ATP1A3: variants seen among roughly 807,000 people sequenced by gnomAD.
ATP1A3 encodes the protein sodium/potassium-transporting ATPase subunit alpha-3.
Under a neutral mutation model 108.8 loss-of-function variants are expected in ATP1A3, and 12 were observed. That is an observed-to-expected ratio of 0.11 (90% CI 0.07 to 0.18). The LOEUF (loss-of-function observed/expected upper bound fraction) is 0.18. ATP1A3 is among the 10% of genes least tolerant of loss of function. ATP1A3 has a pLI of 1.00. For missense variants in ATP1A3, 498 were observed against 1,387.7 expected (o/e 0.36, Z 10.19); for synonymous variants, 539 against 564.5 (o/e 0.95, Z 0.64).
At position 41,967,054 on chromosome 19, in the gene ATP1A3, G is replaced by C; in HGVS notation, c.3014-89C>G. 6.4e-7 allele frequency: 1 copy of C among 1,551,688 alleles called. No individual in the cohort carries two copies. The highest frequency in any genetic ancestry group is 8.7e-7 in the Non-Finnish European group (1 of 1,146,986). ...GCCGCCCAGCAGAGAGAGGGACAGA[G>C]AGGGAGAGAGACAAGGAAACCACAC... On this transcript the variant is annotated intron_variant, in intron 22 of 22. Transcript: ENST00000648268. The surrounding 1 kb of genome is among the most constrained non-coding windows in gnomAD (Gnocchi z 4.2).
Position 41,985,014 on chromosome 19 carries a change from G to A in ATP1A3, c.897C>T (p.Leu299=), listed in dbSNP as rs1485886227. 7 of 1,614,042 alleles carry A rather than the reference G, an allele frequency of 4.3e-6. No homozygotes were observed. The African/African-American group carries it at 5.3e-5, about 12-fold the overall frequency. ...AVFLGVSFFI[L]SLILGYTWLE... ...GCCAGGTGTATCCGAGAATGAGGGA[G>A]AGGATGAAGAAGGAGACACCCAGGA... Residue 299 remains leucine, a synonymous_variant, in exon 8 of 23, where the codon CTC becomes CTT. Coordinates refer to ENST00000648268, the MANE Select transcript of ATP1A3 (RefSeq NM_152296.5). The surrounding 1 kb of genome is among the most constrained non-coding windows in gnomAD (Gnocchi z 8.2).
At chr19:41,990,030 T>C (rs1411311342) in intron 1 of ATP1A3, among the ~76,000 whole-genome samples, 2 of 152,140 alleles carry the variant, frequency 1.3e-5, no homozygotes, top group Non-Finnish European at 2.9e-5. Flanking sequence ...TGGGTTCTTA[T>C]TTCCCTCTGA....
chr19:41,985,137 G>C lies in ATP1A3; in HGVS notation c.774C>G (p.Gly258=). Reference sequence around the variant, plus strand: ...GCCCTGATGCCAGGGTGGCGATACGGCCCATGACAGTGCGGTCGCCCGTGG... The same window carrying C: ...GCCCTGATGCCAGGGTGGCGATACGCCCCATGACAGTGCGGTCGCCCGTGG... ...VVATGDRTVM[G]RIATLASGLE... is the part of the protein sequence containing the mutation. The change falls in exon 8 of 23, where the codon GGC becomes GGG. Residue 258 remains glycine (G), a synonymous_variant. Coordinates refer to ENST00000648268, the MANE Select transcript of ATP1A3 (RefSeq NM_152296.5). This position sits in a 1 kb window ranked among gnomAD's most constrained non-coding sequence, Gnocchi z 8.2. 4.3e-6 allele frequency: 7 copies of C among 1,613,850 alleles called. No individual in the cohort carries two copies. The highest frequency in any genetic ancestry group is 5.1e-6 in the Non-Finnish European group (6 of 1,179,820).
chr19:41,992,455 C>G (rs1188120281), intron 1 of ATP1A3, among the ~76,000 whole-genome samples: 2 of 152,136 alleles, frequency 1.3e-5, no homozygotes, highest in Non-Finnish European at 2.9e-5. Context: ...CTGGTGCCAG[C>G]TCCCGCAGCC....
chr19:41,977,704 C>CATAA (rs1241921941), intron 14 of ATP1A3, among the ~76,000 whole-genome samples: 37 of 152,082 alleles, frequency 2.4e-4, no homozygotes, highest in African/African-American at 7.0e-4. Flanking sequence ...ATCTCAAAAA[C>CATAA]ATAAATAAAT....
intron 16 of ATP1A3, among the ~76,000 whole-genome samples, chr19:41,974,977 C>A (rs1220174928): frequency 1.3e-5 from 2 of 152,252 alleles, no homozygotes; most frequent in Non-Finnish European, 2.9e-5. Flanking sequence ...CTCTGGGAAG[C>A]TCCCTTGACC....
intron 8 of ATP1A3, among the ~76,000 whole-genome samples, chr19:41,982,762 C>T (rs1024349401): frequency 6.6e-6 from 1 of 152,138 alleles, no homozygotes; most frequent in Non-Finnish European, 1.5e-5. Flanking sequence ...CATGGGTGAA[C>T]GTCAAAAACA....
chr19:41,985,249 C>T lies in ATP1A3; in HGVS notation c.724+57G>A, dbSNP rs2075275693. On this transcript the variant is annotated intron_variant, in intron 7 of 22. Coordinates refer to ENST00000648268, the MANE Select transcript of ATP1A3 (RefSeq NM_152296.5). This position sits in a 1 kb window ranked among gnomAD's most constrained non-coding sequence, Gnocchi z 8.2. ...CAGGGAGGTTCTGGAGGCCTGACCC[C>T]CTGGGACACATCCCTGTGTCTGCCC... The T allele has an allele frequency of 4.3e-6, 7 of 1,614,044 alleles. No individual in the cohort carries two copies. The highest frequency in any genetic ancestry group is 2.2e-5 in the South Asian group (2 of 91,070).
At position 41,975,621 on chromosome 19, in the gene ATP1A3, C is replaced by T. The variant is rs1568858162; in HGVS notation, c.2263+8G>A. 6.2e-7 allele frequency: 1 copy of T among 1,613,992 alleles called. No individual in the cohort carries two copies. Among genetic ancestry groups the T allele is most frequent in the African/African-American group, 1.3e-5 (1 of 75,038 alleles). On this transcript the variant is annotated splice_region_variant and intron_variant, in intron 16 of 22. Coordinates refer to ENST00000648268, the MANE Select transcript of ATP1A3 (RefSeq NM_152296.5). The stretch of plus-strand genomic sequence containing the variant: ...CCTGGTCTCCAGGGCCACCCCTGGC[C>T]AACTCACCCTCCTCCACCCCTGTGA...
At chr19:41,990,620 C>G (rs140401815) in intron 1 of ATP1A3, among the ~76,000 whole-genome samples, 3 of 151,768 alleles carry the variant, frequency 2.0e-5, no homozygotes, top group African/African-American at 7.2e-5. Flanking sequence ...CTTTCTCCCA[C>G]TGTCTCTCTC....
chr19:41,983,269 G>T (rs1555864110), intron 8 of ATP1A3, among the ~76,000 whole-genome samples: 1 of 151,306 alleles, frequency 6.6e-6, no homozygotes, highest in Non-Finnish European at 1.5e-5. Flanking sequence ...GTAGAGATGG[G>T]GTTTTGCCAT....
At chr19:41,976,266 A>C in intron 15 of ATP1A3, 150 bp downstream of exon 15, 1 of 1,049,098 alleles carries the variant, frequency 9.5e-7, no homozygotes, top group African/African-American at 1.8e-5. Context: ...CCTCAGACCC[A>C]GGAGTCCAGG....
Position 41,967,011 on chromosome 19 carries a change from G to A in ATP1A3, c.3014-46C>T. Reference sequence around the variant, plus strand: ...AGAAAGAGACAGAGTAAGAGATGGAGAGAGACAGGCAAGGCGAGCCGCCCA... The same window carrying A: ...AGAAAGAGACAGAGTAAGAGATGGAAAGAGACAGGCAAGGCGAGCCGCCCA... On this transcript the variant is annotated intron_variant, in intron 22 of 22. Coordinates refer to ENST00000648268, the MANE Select transcript of ATP1A3 (RefSeq NM_152296.5). This position sits in a 1 kb window ranked among gnomAD's most constrained non-coding sequence, Gnocchi z 4.2. The A allele has an allele frequency of 1.3e-6, 2 of 1,551,676 alleles. No individual in the cohort carries two copies. Among genetic ancestry groups the A allele is most frequent in the Non-Finnish European group, 8.7e-7 (1 of 1,146,978 alleles).
At chr19:41,980,473 G>C (rs1451676656) in intron 11 of ATP1A3, among the ~76,000 whole-genome samples, 1 of 152,088 alleles carries the variant, frequency 6.6e-6, no homozygotes, top group Non-Finnish European at 1.5e-5. Context: ...AACTAGCTGG[G>C]TGTGGTGGTG....
In ATP1A3 at chr19:41,967,088, A is replaced by T. The variant is rs782403358; in HGVS notation, c.3014-123T>A. ...AGACAAGGAAACCACACAGACAGAG[A>T]CCCGTGAGAAGACAGAGTGGGTGCC... On this transcript the variant is annotated intron_variant, in intron 22 of 22. Coordinates refer to ENST00000648268, the MANE Select transcript of ATP1A3 (RefSeq NM_152296.5). This position sits in a 1 kb window ranked among gnomAD's most constrained non-coding sequence, Gnocchi z 4.2. 9.0e-6 allele frequency: 14 copies of T among 1,551,798 alleles called. No homozygotes were observed. The highest frequency in any genetic ancestry group is 1.1e-5 in the Non-Finnish European group (13 of 1,147,198).
At chr19:41,992,909 T>G (rs1313839070) in intron 1 of ATP1A3, 1 of 162,320 alleles carries the variant, frequency 6.2e-6, no homozygotes, top group Non-Finnish European at 1.3e-5. Context: ...ACAGCTTCCC[T>G]CCCTCCATCC....
Position 41,967,222 on chromosome 19 carries a change from C to G in ATP1A3, c.3013+27G>C, listed in dbSNP as rs550716264. 9.9e-6 allele frequency: 16 copies of G among 1,613,960 alleles called. No individual in the cohort carries two copies. In the Admixed American group the frequency reaches 1.0e-4, roughly 10 times the overall value. On this transcript the variant is annotated intron_variant, in intron 22 of 22. Coordinates refer to ENST00000648268, the MANE Select transcript of ATP1A3 (RefSeq NM_152296.5). The surrounding 1 kb of genome is among the most constrained non-coding windows in gnomAD (Gnocchi z 4.2). The stretch of plus-strand genomic sequence containing the variant: ...TGAGACCCTGCTGCCCCCCGCCCCC[C>G]TCGGCTGCCTTGCCGAGCTCCCTCA...
In ATP1A3 at chr19:41,988,412, C is replaced by T. The variant is rs782573777; in HGVS notation, c.94-35G>A. On this transcript the variant is annotated intron_variant, in intron 2 of 22. Transcript: ENST00000648268. This position sits in a 1 kb window ranked among gnomAD's most constrained non-coding sequence, Gnocchi z 5.3. Reference sequence around the variant, plus strand: ...AGGAGTTTGGGGGAGACGGTGAGTGCCTAGGCCAGCCAAGAACTGGCGAGG... The same window carrying T: ...AGGAGTTTGGGGGAGACGGTGAGTGTCTAGGCCAGCCAAGAACTGGCGAGG... 5.0e-6 allele frequency: 8 copies of T among 1,614,144 alleles called. No individual in the cohort carries two copies. The South Asian group carries it at 7.7e-5, about 16-fold the overall frequency.
chr19:41,989,404 C>T (rs1375789958), intron 1 of ATP1A3, among the ~76,000 whole-genome samples: 3 of 150,482 alleles, frequency 2.0e-5, no homozygotes, highest in East Asian at 2.0e-4. Context: ...CTGCAAGCTC[C>T]GCCTCCCAGG....
Sources: allele counts gnomAD v4.1 joint callset (sites outside exome capture counted in the v4.1 genomes callset), GRCh38; gene constraint gnomAD v4.1.1; non-coding constraint Gnocchi (gnomAD v3.1); transcripts MANE v1.5; gene names NCBI Gene and HGNC (gene_info 2026-07-23, HGNC 2026-07-21).